The following AGTPBP1 variants were observed in gnomAD, a reference collection of about 807,000 sequenced individuals.
AGTPBP1 encodes cytosolic carboxypeptidase 1.
AGTPBP1 carries 70 observed loss-of-function variants against 143.9 expected under a neutral mutation model. The ratio of observed to expected loss-of-function variants is 0.49; its 90% CI spans 0.40 to 0.59. The LOEUF (loss-of-function observed/expected upper bound fraction) is 0.59, where lower values mean the gene tolerates loss of function less well. AGTPBP1 is among the 20% of genes least tolerant of loss of function. The pLI is 0.00. For missense variants in AGTPBP1, 1,229 were observed against 1,464.5 expected (o/e 0.84, Z 2.62); for synonymous variants, 463 against 500.2 (o/e 0.93, Z 0.99).
intron 25 of AGTPBP1, among the ~76,000 whole-genome samples, chr9:85,550,218 A>AG (rs748785986): frequency 0.02 from 3,043 of 151,890 alleles, 45 homozygotes; most frequent in African/African-American, 0.032. Context: ...AGAGAGAGAG[A>AG]AAGATATCAG....
chr9:85,802,149 A>G, the AGTPBP1 span, among the ~76,000 whole-genome samples: 1 of 152,168 alleles, frequency 6.6e-6, no homozygotes, highest in African/African-American at 2.4e-5. Context: ...CCACTCTCCA[A>G]CCATCTCTTA....
At chr9:85,596,186 A>G (rs937149314) in intron 18 of AGTPBP1, among the ~76,000 whole-genome samples, 176 bp downstream of exon 18, 2 of 152,280 alleles carry the variant, frequency 1.3e-5, no homozygotes, top group East Asian at 3.9e-4. Context: ...CTTCTACTAC[A>G]TACACTCCAT....
chr9:85,777,144 C>T, the AGTPBP1 span, among the ~76,000 whole-genome samples: 7 of 152,110 alleles, frequency 4.6e-5, no homozygotes, highest in African/African-American at 1.7e-4. Context: ...CTTCTTTAGC[C>T]ATAAAGTGAG....
the AGTPBP1 span, among the ~76,000 whole-genome samples, chr9:85,750,198 A>G: frequency 6.6e-6 from 1 of 152,196 alleles, no homozygotes; most frequent in Middle Eastern, 3.2e-3. Context: ...ACAAACAGAA[A>G]TAGTAGAGAG....
chr9:85,559,216 T>C (rs1190554203), intron 25 of AGTPBP1, among the ~76,000 whole-genome samples: 1 of 152,196 alleles, frequency 6.6e-6, no homozygotes, highest in African/African-American at 2.4e-5. Context: ...AAAAATGTAG[T>C]GTTGCATCAG....
the AGTPBP1 span, chr9:85,753,424 G>C: frequency 6.2e-7 from 1 of 1,613,628 alleles, no homozygotes; most frequent in Non-Finnish European, 8.5e-7. Flanking sequence ...CTCCAGGTTT[G>C]TCAATTCTAT....
At chr9:85,579,349 A>G (rs960543252) in intron 23 of AGTPBP1, among the ~76,000 whole-genome samples, 1 of 152,322 alleles carries the variant, frequency 6.6e-6, no homozygotes, top group South Asian at 2.1e-4. Context: ...CCAATAAGCA[A>G]AATAAAATCA....
At chr9:85,593,953 AT>A (rs1179819501) in intron 18 of AGTPBP1, among the ~76,000 whole-genome samples, 11 of 152,134 alleles carry the variant, frequency 7.2e-5, no homozygotes, top group African/African-American at 2.4e-4. Context: ...CCTATACGTT[AT>A]TTTTTCATGC....
intron 1 of AGTPBP1, among the ~76,000 whole-genome samples, chr9:85,717,776 C>T (rs1182381552): frequency 6.6e-6 from 1 of 151,768 alleles, no homozygotes; most frequent in African/African-American, 2.4e-5. Context: ...TTTGCCACAC[C>T]CATCAACTCG....
intron 17 of AGTPBP1, among the ~76,000 whole-genome samples, chr9:85,610,145 A>G (rs1355588550): frequency 2.0e-5 from 3 of 152,204 alleles, no homozygotes; most frequent in African/African-American, 7.2e-5. Flanking sequence ...GGTTCCAAAC[A>G]TGTTCAATTT....
chr9:85,731,126 A>C (rs557019306), intron 1 of AGTPBP1, among the ~76,000 whole-genome samples: 1 of 152,356 alleles, frequency 6.6e-6, no homozygotes, highest in Admixed American at 6.5e-5. Flanking sequence ...TAAATTAGGA[A>C]GTGATACTAA....
chr9:85,608,859 G>C (rs1329229313), intron 17 of AGTPBP1, among the ~76,000 whole-genome samples: 1 of 152,044 alleles, frequency 6.6e-6, no homozygotes, highest in Admixed American at 6.6e-5. Flanking sequence ...ACCCACGCAG[G>C]AGGATGGAAG....
chr9:85,803,625 T>C, the AGTPBP1 span, among the ~76,000 whole-genome samples: 1 of 152,240 alleles, frequency 6.6e-6, no homozygotes, highest in Non-Finnish European at 1.5e-5. Flanking sequence ...GAGGGTGTTT[T>C]CCAAGATTCT....
intron 25 of AGTPBP1, among the ~76,000 whole-genome samples, chr9:85,567,889 C>A (rs1827210579): frequency 6.6e-6 from 1 of 152,184 alleles, no homozygotes; most frequent in Non-Finnish European, 1.5e-5. Flanking sequence ...TGGTTGAGAA[C>A]TTCAAAACTG....
intron 13 of AGTPBP1, among the ~76,000 whole-genome samples, chr9:85,636,255 GTTTCTTTTTTT>G (rs1167858506): frequency 7.4e-6 from 1 of 134,934 alleles, no homozygotes; most frequent in Non-Finnish European, 1.6e-5. Context: ...ATTTTGTAAG[GTTTCTTTTTTT>G]TTTTTTTTTT....
the AGTPBP1 span, chr9:85,786,516 G>A: frequency 3.7e-6 from 6 of 1,613,676 alleles, no homozygotes; most frequent in Admixed American, 1.0e-4. Flanking sequence ...CTTGGAGTTG[G>A]CATTGGATCA....
At position 85,585,497 on chromosome 9, in the gene AGTPBP1, G is replaced by T. The variant is rs1269645388; in HGVS notation, c.3131C>A (p.Thr1044Asn). 3 of 1,609,334 alleles carry T rather than the reference G, an allele frequency of 1.9e-6. No individual in the cohort carries two copies. Among genetic ancestry groups the T allele is most frequent in the Non-Finnish European group, 2.5e-6 (3 of 1,178,068 alleles). ...CGTATCCTCCACAACATCACATGAA[G>T]TTGCATTATCATTGGTATGCCACAC... Reference protein sequence around the residue: ...ETVWHTNDNATSCDVVEDTGY... With the variant: ...ETVWHTNDNANSCDVVEDTGY... The change falls in exon 23 of 26, where the codon ACT becomes AAT. Residue 1044 changes from threonine (T) to asparagine (N), a missense_variant. By Grantham distance (65) the Thr-to-Asn change is moderately conservative. Coordinates refer to ENST00000357081, the MANE Select transcript of AGTPBP1 (RefSeq NM_001330701.2).
intron 7 of AGTPBP1, among the ~76,000 whole-genome samples, chr9:85,671,227 T>C (rs1158394783): frequency 6.6e-6 from 1 of 152,156 alleles, no homozygotes; most frequent in East Asian, 1.9e-4. Context: ...ATTACAGCCA[T>C]GTGCGACTGT....
chr9:85,681,380 A>C (rs769020558), intron 3 of AGTPBP1, 45 bp from the exon 4 acceptor site: 2 of 1,549,590 alleles, frequency 1.3e-6, no homozygotes, highest in Non-Finnish European at 1.8e-6. Context: ...AAATTTTTAA[A>C]AGTATGTATA....
Sources: gnomAD v4.1 joint callset for allele counts (sites outside exome capture counted in the v4.1 genomes callset) on GRCh38, gnomAD v4.1.1 for gene constraint, MANE v1.5 for transcripts, NCBI Gene and HGNC (gene_info 2026-07-23, HGNC 2026-07-21) for gene names.